UGT2A2: variants seen among roughly 807,000 people sequenced by gnomAD.
The protein encoded by UGT2A2 is UDP-glucuronosyltransferase 2A2.
A neutral mutation model predicts 50.7 loss-of-function variants in UGT2A2; 60 were observed. That is an observed-to-expected ratio of 1.18 (90% CI 0.96 to 1.47). The LOEUF (loss-of-function observed/expected upper bound fraction) is 1.47. Ranked by LOEUF, UGT2A2 falls within the 40% of genes most tolerant of loss-of-function variation. UGT2A2 has a pLI of 0.00. For missense variants in UGT2A2, 762 were observed against 634.0 expected, an observed-to-expected ratio of 1.20 and a Z score of -2.17; for synonymous variants, 242 against 214.6, an observed-to-expected ratio of 1.13 and a Z score of -1.11.
chr4:69,599,243 T>C lies in UGT2A2; in HGVS notation c.891+3A>G. 1 of 1,612,752 alleles carries C rather than the reference T, an allele frequency of 6.2e-7. No homozygotes were observed. The highest frequency in any genetic ancestry group is 8.5e-7 in the Non-Finnish European group (1 of 1,179,592). Reference sequence around the variant, plus strand: ...ATAAAATCCTCCACTGTTGTAGACCTACCTTAGGTAAAGGTTTGGCAGGTT... The same window carrying C: ...ATAAAATCCTCCACTGTTGTAGACCCACCTTAGGTAAAGGTTTGGCAGGTT... On this transcript the variant is annotated splice_donor_region_variant and intron_variant, in intron 2 of 5. Transcript: ENST00000604629.
At chr4:69,635,846 AAAAAGAGAGAG>A (rs1560491748) in intron 1 of UGT2A2, 19 of 137,176 alleles carry the variant, frequency 1.4e-4, no homozygotes, top group African/African-American at 6.3e-4. Flanking sequence ...AAAAAAAAAA[AAAAAGAGAGAG>A]AGAGAGAGAA....
chr4:69,595,051 G>A, intron 4 of UGT2A2, 111 bp downstream of exon 4: 1 of 1,401,994 alleles, frequency 7.1e-7, no homozygotes, highest in Non-Finnish European at 9.8e-7. Flanking sequence ...AAAATTGAGT[G>A]TCAAATAACA....
chr4:69,625,236 C>G (rs28689093), intron 1 of UGT2A2, among the ~76,000 whole-genome samples: 52,801 of 149,758 alleles, frequency 0.35, 9,646 homozygotes, highest in African/African-American at 0.43. Context: ...TTTTATTACT[C>G]TTCAATATAT....
rs1025298715 is a variant in UGT2A2 at position 69,628,445 on chromosome 4, C to T, written c.742+10454G>A. The stretch of plus-strand genomic sequence containing the variant: ...AATGGAGAGTCTAGAAAGAAACCTA[C>T]CCATATATGGTCAGCTGGTCTTTCA... On this transcript the variant is annotated intron_variant, in intron 1 of 5. Coordinates refer to ENST00000604629, the MANE Select transcript of UGT2A2 (RefSeq NM_001105677.2). Among the ~76,000 whole-genome samples the T allele has an allele frequency of 1.8e-4, 27 of 151,618 alleles. 1 individual carries two copies. The highest frequency in any genetic ancestry group is 1.3e-3 in the Admixed American group (20 of 15,174).
intron 4 of UGT2A2, 102 bp downstream of exon 4, chr4:69,595,060 C>T: frequency 1.4e-6 from 2 of 1,445,620 alleles, no homozygotes; most frequent in Admixed American, 1.9e-5. Context: ...TGTCAAATAA[C>T]ATTTTAAATT....
chr4:69,634,566 T>G (rs1721572790), intron 1 of UGT2A2, among the ~76,000 whole-genome samples: 1 of 152,160 alleles, frequency 6.6e-6, no homozygotes, highest in Non-Finnish European at 1.5e-5. Flanking sequence ...GCTGTTTTTT[T>G]CTTAAGTTAA....
At chr4:69,605,777 A>T (rs892953248) in intron 1 of UGT2A2, among the ~76,000 whole-genome samples, 1 of 137,348 alleles carries the variant, frequency 7.3e-6, no homozygotes, top group Non-Finnish European at 1.6e-5. Context: ...AAGTACCATC[A>T]GAGAATACTA....
intron 1 of UGT2A2, among the ~76,000 whole-genome samples, chr4:69,627,548 A>AAG (rs780406424): frequency 0.034 from 2,107 of 62,624 alleles, 27 homozygotes; most frequent in Non-Finnish European, 0.061. Flanking sequence ...GAGAGAGAGA[A>AAG]AGAGAGAGAG....
At chr4:69,607,079 A>T (rs1358215687) in intron 1 of UGT2A2, among the ~76,000 whole-genome samples, 2 of 97,956 alleles carry the variant, frequency 2.0e-5, no homozygotes, top group Non-Finnish European at 4.2e-5. Context: ...TTTAAAGTTC[A>T]TATGGAACCA....
At chr4:69,593,899 G>GA (rs760320569) in intron 5 of UGT2A2, among the ~76,000 whole-genome samples, 2 of 146,592 alleles carry the variant, frequency 1.4e-5, no homozygotes, top group East Asian at 2.0e-4. Flanking sequence ...AGATTATCCA[G>GA]AAAAAATGAG....
intron 3 of UGT2A2, 58 bp downstream of exon 3, chr4:69,596,192 C>T: frequency 7.1e-7 from 1 of 1,414,318 alleles, no homozygotes; most frequent in Non-Finnish European, 9.3e-7. Context: ...ACATTACTAG[C>T]TGCATTGTCT....
chr4:69,603,396 C>T lies in UGT2A2; in HGVS notation c.743-4002G>A, dbSNP rs892452101. 16 of 136,886 alleles carry T rather than the reference C, an allele frequency of 1.2e-4. 3 individuals are homozygous for T. The highest frequency in any genetic ancestry group is 4.7e-4 in the African/African-American group (16 of 33,902). 8.5% of individuals were successfully genotyped at this position (136,886 alleles called of 1,614,324 possible). On this transcript the variant is annotated intron_variant, in intron 1 of 5. Transcript: ENST00000604629. The stretch of plus-strand genomic sequence containing the variant: ...TCAATAAATAGTGATGGGACAGCTC[C>T]TTACCCAAAACCCCATCTCTACATC...
intron 2 of UGT2A2, among the ~76,000 whole-genome samples, chr4:69,598,045 T>C (rs944741976): frequency 2.0e-5 from 3 of 152,172 alleles, no homozygotes; most frequent in African/African-American, 7.2e-5. Context: ...TAATAGGGTG[T>C]CATGGGTCAT....
At chr4:69,610,800 G>A (rs191557529) in intron 1 of UGT2A2, among the ~76,000 whole-genome samples, 274 of 152,264 alleles carry the variant, frequency 1.8e-3, no homozygotes, top group African/African-American at 6.1e-3. Flanking sequence ...GATTTTGGAC[G>A]TCTAGCCATC....
intron 1 of UGT2A2, among the ~76,000 whole-genome samples, chr4:69,619,350 C>T (rs1720603005): frequency 6.6e-6 from 1 of 151,740 alleles, no homozygotes; most frequent in Non-Finnish European, 1.5e-5. Flanking sequence ...AGTGAGCCAA[C>T]ATCAGTGGCA....
chr4:69,639,187 C>A lies in UGT2A2; in HGVS notation c.454G>T (p.Gly152Cys). The A allele has an allele frequency of 6.2e-7, 1 of 1,613,672 alleles. No homozygotes were observed. The highest frequency in any genetic ancestry group is 8.5e-7 in the Non-Finnish European group (1 of 1,179,760). ...GGGTCTGCTACCAACACATCAAAACCACCTTTCTGAAGTCTTGCCATCAAC... is the reference window on the plus strand; with the variant it reads ...GGGTCTGCTACCAACACATCAAAACAACCTTTCTGAAGTCTTGCCATCAAC... ...PKLMARLQKG[G>C]FDVLVADPVT... Residue 152 changes from glycine to cysteine, a missense_variant, in exon 1 of 6, where the codon GGT (glycine) becomes TGT (cysteine). Coordinates refer to ENST00000604629, the MANE Select transcript of UGT2A2 (RefSeq NM_001105677.2).
In UGT2A2 at chr4:69,635,847, A is replaced by AAAAAAAAT. The variant is rs1351077445; in HGVS notation, c.742+3051_742+3052insATTTTTTT. 5.1e-5 allele frequency: 7 copies of AAAAAAAAT among 136,958 alleles called. No homozygotes were observed. The South Asian group carries it at 1.4e-3, about 27-fold the overall frequency. 8.5% of individuals were successfully genotyped at this position (136,958 alleles called of 1,614,324 possible). On this transcript the variant is annotated intron_variant, in intron 1 of 5. Transcript: ENST00000604629. ...CCTCACCAAAAAAAAAAAAAAAAAA[A>AAAAAAAAT]AAAGAGAGAGAGAGAGAGAAATAAG...
At chr4:69,638,640 G>T (rs548386511) in intron 1 of UGT2A2, among the ~76,000 whole-genome samples, 7 of 152,196 alleles carry the variant, frequency 4.6e-5, no homozygotes, top group African/African-American at 1.7e-4. Context: ...TTTTGAAATT[G>T]ATTTATACAT....
chr4:69,618,313 G>A (rs1211994335), intron 1 of UGT2A2, among the ~76,000 whole-genome samples: 1 of 148,430 alleles, frequency 6.7e-6, no homozygotes, highest in Admixed American at 6.8e-5. Flanking sequence ...ATGTTTTTGG[G>A]GCATTAAATT....
Sources: allele counts gnomAD v4.1 joint callset (sites outside exome capture counted in the v4.1 genomes callset), GRCh38; gene constraint gnomAD v4.1.1; transcripts MANE v1.5; gene names NCBI Gene and HGNC (gene_info 2026-07-23, HGNC 2026-07-21).